Variants in NME6 observed in about 807,000 individuals in gnomAD.
NME6 encodes the protein nucleoside diphosphate kinase 6, mitochondrial.
A neutral mutation model predicts 22.2 loss-of-function variants in NME6; 16 were observed. That is an observed-to-expected ratio of 0.72 (90% confidence interval 0.49 to 1.09). The LOEUF is 1.09. Among genes scored for constraint, NME6 ranks in the 50% least tolerant of loss-of-function variants. NME6 has a pLI of 0.00. For missense variants in NME6, 229 were observed against 239.0 expected (o/e 0.96, Z 0.28); for synonymous variants, 58 against 85.2 (o/e 0.68, Z 1.76).
At chr3:48,299,144 C>T in intron 1 of NME6, 1 of 529,012 alleles carries the variant, frequency 1.9e-6, no homozygotes, top group Non-Finnish European at 3.4e-6. Flanking sequence ...GGTCAACACA[C>T]AACTCCAACA....
chr3:48,295,443 T>C (rs1203942702), intron 4 of NME6: 8 of 552,262 alleles, frequency 1.4e-5, no homozygotes, highest in Non-Finnish European at 2.5e-5. Flanking sequence ...CTATGCAGCA[T>C]TCAAGGGGAC....
At chr3:48,292,013 C>T (rs1457467943), downstream of NME6, 1 of 152,256 alleles carries the variant, frequency 6.6e-6, no homozygotes, top group Non-Finnish European at 1.5e-5. Flanking sequence ...GATCCGCCCG[C>T]CTTGGCCTCC....
At chr3:48,300,484 T>A in intron 1 of NME6, 1 of 382,280 alleles carries the variant, frequency 2.6e-6, no homozygotes, top group Non-Finnish European at 5.1e-6. Flanking sequence ...CCTTGCAAGT[T>A]CCCTTCAGTT....
chr3:48,294,920 G>A, intron 5 of NME6, 117 bp from the exon 6 acceptor site: 2 of 1,396,684 alleles, frequency 1.4e-6, no homozygotes, highest in Admixed American at 2.1e-5. Flanking sequence ...CCTGGGGCAT[G>A]TAAAGAAAGT....
chr3:48,296,000 AGCCACCGT>A (rs2035052048), intron 4 of NME6, 111 bp downstream of exon 4: 2 of 787,214 alleles, frequency 2.5e-6, no homozygotes, highest in Admixed American at 3.9e-5. Flanking sequence ...TACAGGCATG[AGCCACCGT>A]GCCTGGCCTG....
intron 1 of NME6, 43 bp downstream of exon 1, chr3:48,301,310 C>A (rs1245209421): frequency 6.3e-7 from 1 of 1,594,772 alleles, no homozygotes. Flanking sequence ...GATTCTGGGT[C>A]ATTCGGAGCC....
chr3:48,291,833 C>G (rs1005749467), downstream of NME6: 1 of 152,538 alleles, frequency 6.6e-6, no homozygotes, highest in Non-Finnish European at 1.5e-5. Flanking sequence ...GTAGCACTAC[C>G]TTGGCTCACT....
intron 2 of NME6, among the ~76,000 whole-genome samples, chr3:48,297,193 G>A (rs2035209983): frequency 6.6e-6 from 1 of 152,136 alleles, no homozygotes; most frequent in South Asian, 2.1e-4. Flanking sequence ...TCACACTCTG[G>A]TCAGAAGGTG....
At chr3:48,291,162 G>A (rs1299354042), downstream of NME6, 4 of 315,702 alleles carry the variant, frequency 1.3e-5, no homozygotes, top group Non-Finnish European at 2.5e-5. Flanking sequence ...AGTTGGTAAC[G>A]CTGGAATCAA....
At position 48,295,150 on chromosome 3, in the gene NME6, C is replaced by T. The variant is rs765787525; in HGVS notation, c.319G>A (p.Ala107Thr). ...TLMGPTRVFR[A>T]RHVAPDSIRG... ...ATAGAATCTGGGGCCACATGGCGTG[C>T]TCGGAACACTCTGGTGGGTCCCATG... Residue 107 changes from alanine to threonine, a missense_variant, in exon 5 of 6, where the codon GCA (alanine) becomes ACA (threonine). By Grantham distance (58) the Ala-to-Thr change is moderately conservative (BLOSUM62 0). Transcript: ENST00000442597. 6.2e-7 allele frequency: 1 copy of T among 1,614,190 alleles called. No individual in the cohort carries two copies. The highest frequency in any genetic ancestry group is 2.2e-5 in the East Asian group (1 of 44,884).
intron 2 of NME6, chr3:48,298,086 G>A (rs1049036874): frequency 2.2e-4 from 71 of 318,104 alleles, no homozygotes; most frequent in African/African-American, 1.5e-3. Flanking sequence ...ACTCAGCCAA[G>A]CCTACTGGAC....
At chr3:48,288,513 G>T (rs1245066626), downstream of NME6, 1 of 152,144 alleles carries the variant, frequency 6.6e-6, no homozygotes, top group Non-Finnish European at 1.5e-5. Flanking sequence ...ATACAGGCAT[G>T]AAGAAAACAG....
chr3:48,291,634 C>G (rs969060119), downstream of NME6: 3 of 156,162 alleles, frequency 1.9e-5, no homozygotes, highest in African/African-American at 7.2e-5. Context: ...ATCCTCCCCC[C>G]TCAGCCTCCC....
chr3:48,298,049 T>C (rs545671776), intron 2 of NME6: 36 of 289,286 alleles, frequency 1.2e-4, no homozygotes, highest in African/African-American at 8.1e-4. Context: ...TACCTTGACT[T>C]TGGCCTTGTG....
rs142896746 is a variant in NME6, at chr3:48,295,153, G to C, written c.316C>G (p.Arg106Gly). 6.2e-7 allele frequency: 1 copy of C among 1,614,180 alleles called. No individual in the cohort carries two copies. The highest frequency in any genetic ancestry group is 1.1e-5 in the South Asian group (1 of 91,080). Residue 106 changes from arginine to glycine, a missense_variant, in exon 5 of 6, where the codon CGA (arginine) becomes GGA (glycine). Transcript: ENST00000442597. ...GAATCTGGGGCCACATGGCGTGCTC[G>C]GAACACTCTGGTGGGTCCCATGAGC... The part of the protein sequence containing the change: ...RTLMGPTRVF[R>G]ARHVAPDSIR...
downstream of NME6, among the ~76,000 whole-genome samples, chr3:48,290,260 A>AT (rs2034363345): frequency 4.0e-5 from 6 of 151,528 alleles, no homozygotes; most frequent in South Asian, 4.1e-4. Context: ...ATTAAAAAAA[A>AT]ATTTTTTTTT....
chr3:48,301,211 G>T, intron 1 of NME6, 142 bp downstream of exon 1: 1 of 1,471,806 alleles, frequency 6.8e-7, no homozygotes. Context: ...CCGGGCTCAC[G>T]GCCTCAACTC....
intron 1 of NME6, 190 bp downstream of exon 1, chr3:48,301,163 C>A: frequency 3.5e-6 from 4 of 1,154,690 alleles, no homozygotes; most frequent in Non-Finnish European, 4.8e-6. Context: ...GCGGCCGGGA[C>A]CTGCGCCCCT....
intron 5 of NME6, 53 bp from the exon 6 acceptor site, chr3:48,294,856 G>A: frequency 6.3e-7 from 1 of 1,582,466 alleles, no homozygotes; most frequent in East Asian, 2.2e-5. Context: ...GAAGCAAGAG[G>A]CAGTCATAAT....
Sources: gnomAD v4.1 joint callset for allele counts (sites outside exome capture counted in the v4.1 genomes callset) on GRCh38, gnomAD v4.1.1 for gene constraint, MANE v1.5 for transcripts, NCBI Gene and HGNC (gene_info 2026-07-23, HGNC 2026-07-21) for gene names.